The following ADAMTSL1 variants were observed in gnomAD, a reference collection of about 807,000 sequenced individuals.
ADAMTSL1 encodes the protein ADAMTS-like protein 1.
ADAMTSL1 carries 126 observed loss-of-function variants against 201.8 expected under a neutral mutation model. The observed-to-expected ratio is 0.62, with a 90% CI of 0.54 to 0.72. The LOEUF is 0.72. Ranked by LOEUF, ADAMTSL1 falls within the 30% of genes least tolerant of loss-of-function variation. ADAMTSL1 has a pLI of 0.00. For missense variants in ADAMTSL1, 2,679 were observed against 2,277.8 expected, an observed-to-expected ratio of 1.18 and a Z score of -3.59; for synonymous variants, 1,121 against 903.4, an observed-to-expected ratio of 1.24 and a Z score of -4.32.
chr9:18,357,239 C>T (rs935517050), intron 2 of ADAMTSL1, among the ~76,000 whole-genome samples: 3 of 151,962 alleles, frequency 2.0e-5, no homozygotes, highest in Non-Finnish European at 4.4e-5. Context: ...TAGGGCCACC[C>T]CAAGCAAAGT....
At chr9:17,949,084 G>A (rs984560221) in intron 1 of ADAMTSL1, among the ~76,000 whole-genome samples, 1 of 151,896 alleles carries the variant, frequency 6.6e-6, no homozygotes, top group Non-Finnish European at 1.5e-5. Flanking sequence ...ATAGAATGAA[G>A]GTACAATGTT....
chr9:18,848,779 T>C (rs1826292936), intron 23 of ADAMTSL1, among the ~76,000 whole-genome samples: 2 of 152,214 alleles, frequency 1.3e-5, no homozygotes, highest in Non-Finnish European at 2.9e-5. Flanking sequence ...GGTATTCAAC[T>C]CTGCAGTTGA....
chr9:18,548,901 A>T (rs1820630803), intron 3 of ADAMTSL1, among the ~76,000 whole-genome samples: 1 of 151,988 alleles, frequency 6.6e-6, no homozygotes, highest in South Asian at 2.1e-4. Flanking sequence ...TCCAAACAAG[A>T]TGCAGAATCA....
intron 2 of ADAMTSL1, among the ~76,000 whole-genome samples, chr9:18,530,551 C>G (rs1455845408): frequency 6.6e-6 from 1 of 152,140 alleles, no homozygotes; most frequent in Non-Finnish European, 1.5e-5. Flanking sequence ...CCCCCGAAAA[C>G]CAGAACTGTT....
At chr9:18,371,150 A>G (rs1415653511) in intron 2 of ADAMTSL1, among the ~76,000 whole-genome samples, 3 of 152,088 alleles carry the variant, frequency 2.0e-5, no homozygotes, top group African/African-American at 4.8e-5. Flanking sequence ...AGTTTTTGTA[A>G]TACTTATACA....
chr9:18,396,367 A>G (rs894382621), intron 2 of ADAMTSL1, among the ~76,000 whole-genome samples: 3 of 152,048 alleles, frequency 2.0e-5, no homozygotes, highest in Non-Finnish European at 2.9e-5. Context: ...CTATTAATCC[A>G]TAAAATCTAA....
intron 2 of ADAMTSL1, among the ~76,000 whole-genome samples, chr9:18,321,896 C>G (rs1349484542): frequency 2.0e-5 from 3 of 152,122 alleles, no homozygotes; most frequent in East Asian, 3.9e-4. Flanking sequence ...ATATGATAAA[C>G]TAAGTCTCAG....
At chr9:18,680,554 A>G in intron 11 of ADAMTSL1, 38 bp downstream of exon 11, 1 of 1,603,980 alleles carries the variant, frequency 6.2e-7, no homozygotes, top group South Asian at 1.1e-5. Context: ...TAGGAGAGTA[A>G]GTCCACTCTT....
At chr9:18,180,070 C>G (rs373558489) in intron 2 of ADAMTSL1, among the ~76,000 whole-genome samples, 1 of 152,078 alleles carries the variant, frequency 6.6e-6, no homozygotes, top group Non-Finnish European at 1.5e-5. Flanking sequence ...AATTAAAAGA[C>G]ACAGACTGGC....
chr9:18,378,401 A>G (rs1837400184), intron 2 of ADAMTSL1, among the ~76,000 whole-genome samples: 2 of 152,234 alleles, frequency 1.3e-5, no homozygotes, highest in African/African-American at 4.8e-5. Flanking sequence ...TCTTGGCACT[A>G]AGCCAGGGAG....
At chr9:18,800,377 C>CAA (rs58346548) in intron 20 of ADAMTSL1, among the ~76,000 whole-genome samples, 1,169 of 60,604 alleles carry the variant, frequency 0.019, 131 homozygotes, top group African/African-American at 0.069. Context: ...AACTCCATCT[C>CAA]AAAAAAAAAA....
chr9:18,775,714 T>C, intron 17 of ADAMTSL1, 29 bp from the exon 18 acceptor site: 1 of 1,608,038 alleles, frequency 6.2e-7, no homozygotes, highest in South Asian at 1.1e-5. Flanking sequence ...CCAGAATTTA[T>C]GTGCATTTGG....
intron 23 of ADAMTSL1, among the ~76,000 whole-genome samples, chr9:18,851,607 C>T (rs1192082897): frequency 6.6e-6 from 1 of 152,172 alleles, no homozygotes; most frequent in Non-Finnish European, 1.5e-5. Context: ...GATCCAAGTG[C>T]TCTGTTCAGG....
chr9:18,198,077 C>A (rs550298728), intron 2 of ADAMTSL1, among the ~76,000 whole-genome samples: 2 of 152,246 alleles, frequency 1.3e-5, no homozygotes, highest in South Asian at 2.1e-4. Flanking sequence ...GAAATTGGAT[C>A]CCTTCCTTAC....
At chr9:18,638,514 A>G (rs1424386107) in intron 6 of ADAMTSL1, among the ~76,000 whole-genome samples, 1 of 152,002 alleles carries the variant, frequency 6.6e-6, no homozygotes, top group African/African-American at 2.4e-5. Context: ...CAACATAATT[A>G]CCATCATCCC....
intron 1 of ADAMTSL1, among the ~76,000 whole-genome samples, chr9:18,045,629 C>CA (rs1821625023): frequency 6.6e-6 from 1 of 152,028 alleles, no homozygotes; most frequent in Non-Finnish European, 1.5e-5. Context: ...GAAATTCTCA[C>CA]ATATAGTGAT....
chr9:18,533,824 AT>A (rs1239741304), intron 3 of ADAMTSL1, among the ~76,000 whole-genome samples: 2 of 152,222 alleles, frequency 1.3e-5, no homozygotes, highest in African/African-American at 2.4e-5. Flanking sequence ...TAGGAAAAAA[AT>A]ATCACAAATG....
chr9:18,889,665 G>A lies in ADAMTSL1; in HGVS notation c.4560G>A (p.Thr1520=), dbSNP rs564990357. The part of the protein sequence containing the change: ...QPRLRCLLNS[T]EVNPAHCAGK... ...GCTTGAGGTGCCTGCTGAACAGCACGGAGGTCAACCCTGCCCACTGCGCAG... is the reference window on the plus strand; with the variant it reads ...GCTTGAGGTGCCTGCTGAACAGCACAGAGGTCAACCCTGCCCACTGCGCAG... Residue 1520 remains threonine (T), a synonymous_variant, in exon 25 of 29, where the codon ACG becomes ACA. Coordinates refer to ENST00000380548, the MANE Select transcript of ADAMTSL1 (RefSeq NM_001040272.6). The A allele has an allele frequency of 3.4e-5, 55 of 1,610,776 alleles. 1 individual carries two copies. The South Asian group carries it at 4.0e-4, about 12-fold the overall frequency.
intron 23 of ADAMTSL1, among the ~76,000 whole-genome samples, chr9:18,843,713 T>C (rs1403978449): frequency 6.6e-6 from 1 of 150,906 alleles, no homozygotes. Context: ...GTCCCATATT[T>C]CTTGGAGGCT....
Sources: allele counts gnomAD v4.1 joint callset (sites outside exome capture counted in the v4.1 genomes callset), GRCh38; gene constraint gnomAD v4.1.1; transcripts MANE v1.5; gene names NCBI Gene and HGNC (gene_info 2026-07-23, HGNC 2026-07-21).